The following NPTN variants were observed in gnomAD, a reference collection of about 807,000 sequenced individuals.
NPTN encodes SDR-1.
A neutral mutation model predicts 42.7 loss-of-function variants in NPTN; 5 were observed. The observed-to-expected ratio is 0.12, with a 90% CI of 0.06 to 0.25. The LOEUF is 0.25. Among genes scored for constraint, NPTN ranks in the 10% least tolerant of loss-of-function variants. The probability of loss-of-function intolerance (pLI) is 1.00; values close to 1 mark genes in which losing one functional copy is unlikely to be tolerated. For synonymous variants in NPTN, 180 were observed against 201.9 expected (o/e 0.89, Z 0.92); for missense variants, 307 against 525.4 (o/e 0.58, Z 4.06).
At chr15:73,622,249 G>C (rs1193066187) in intron 1 of NPTN, among the ~76,000 whole-genome samples, 1 of 152,092 alleles carries the variant, frequency 6.6e-6, no homozygotes, top group African/African-American at 2.4e-5. Context: ...TAAATCAGGT[G>C]GTTACAATTC....
intron 1 of NPTN, among the ~76,000 whole-genome samples, chr15:73,625,454 C>G (rs1487279415): frequency 6.6e-6 from 1 of 151,890 alleles, no homozygotes; most frequent in African/African-American, 2.4e-5. Context: ...CTGCCTCAGC[C>G]CCGAGTAGCT....
chr15:73,563,666 G>GA, intron 6 of NPTN: 1 of 617,084 alleles, frequency 1.6e-6, no homozygotes, highest in Non-Finnish European at 2.0e-6. Context: ...ATGCAGTTTT[G>GA]GCTCAATCCT....
intron 1 of NPTN, 45 bp downstream of exon 1, chr15:73,633,080 G>C (rs1898850823): frequency 1.5e-6 from 2 of 1,320,510 alleles, no homozygotes; most frequent in Non-Finnish European, 2.0e-6. Flanking sequence ...TCCGGCCCCG[G>C]CGCCCCTCAA....
intron 1 of NPTN, among the ~76,000 whole-genome samples, chr15:73,610,270 T>C (rs895920906): frequency 6.6e-6 from 1 of 152,060 alleles, no homozygotes; most frequent in Non-Finnish European, 1.5e-5. Flanking sequence ...TAGTTTTTTG[T>C]AGAGATGAGG....
At chr15:73,565,718 G>A in intron 6 of NPTN, 1 of 456,254 alleles carries the variant, frequency 2.2e-6, no homozygotes, top group Non-Finnish European at 4.4e-6. Context: ...AGGACTGGGG[G>A]GATAATGGAA....
intron 4 of NPTN, among the ~76,000 whole-genome samples, chr15:73,577,425 G>A (rs1348044766): frequency 2.6e-5 from 4 of 152,164 alleles, no homozygotes; most frequent in South Asian, 2.1e-4. Context: ...GACTGAGACA[G>A]GGAAAGAGAT....
At chr15:73,577,031 T>C (rs1035537384) in intron 4 of NPTN, among the ~76,000 whole-genome samples, 1 of 152,266 alleles carries the variant, frequency 6.6e-6, no homozygotes, top group Non-Finnish European at 1.5e-5. Context: ...TTCTAAATTC[T>C]TTGTGGGTTG....
At chr15:73,596,574 C>G (rs556704454) in intron 2 of NPTN, among the ~76,000 whole-genome samples, 336 of 152,184 alleles carry the variant, frequency 2.2e-3, no homozygotes, top group Non-Finnish European at 3.6e-3. Flanking sequence ...AATAGAAAGG[C>G]ACCAGAGAAG....
intron 4 of NPTN, among the ~76,000 whole-genome samples, chr15:73,581,609 C>G (rs1896048373): frequency 6.6e-6 from 1 of 152,148 alleles, no homozygotes; most frequent in Non-Finnish European, 1.5e-5. Context: ...TCTGGGCAGT[C>G]TGGGACTCTG....
chr15:73,623,052 C>T (rs960824533), intron 1 of NPTN, among the ~76,000 whole-genome samples: 1 of 152,136 alleles, frequency 6.6e-6, no homozygotes, highest in Non-Finnish European at 1.5e-5. Flanking sequence ...TGAAAGTGTC[C>T]TTTTCCAGGT....
At chr15:73,615,189 G>A (rs1271247630) in intron 1 of NPTN, among the ~76,000 whole-genome samples, 4 of 144,246 alleles carry the variant, frequency 2.8e-5, no homozygotes, top group African/African-American at 5.1e-5. Flanking sequence ...TAATCTTGAA[G>A]AAAACCATGG....
At chr15:73,561,772 C>A in intron 8 of NPTN, 124 bp downstream of exon 8, 2 of 730,512 alleles carry the variant, frequency 2.7e-6, no homozygotes, top group Non-Finnish European at 4.7e-6. Flanking sequence ...TCATCAGTAT[C>A]AGCTGCTCTG....
At chr15:73,561,228 T>G (rs572401689) in intron 8 of NPTN, among the ~76,000 whole-genome samples, 180 bp from the exon 9 acceptor site, 1 of 152,316 alleles carries the variant, frequency 6.6e-6, no homozygotes, top group East Asian at 1.9e-4. Flanking sequence ...GCCATTCTTG[T>G]CTTGCCCCCA....
At chr15:73,629,439 A>G (rs982821755) in intron 1 of NPTN, among the ~76,000 whole-genome samples, 1 of 152,166 alleles carries the variant, frequency 6.6e-6, no homozygotes, top group African/African-American at 2.4e-5. Context: ...CTAAAAATGT[A>G]CTCAGTGAGA....
At chr15:73,590,073 G>T (rs1002581449) in intron 3 of NPTN, among the ~76,000 whole-genome samples, 5 of 152,012 alleles carry the variant, frequency 3.3e-5, no homozygotes, top group African/African-American at 1.2e-4. Context: ...TACTTGGGAA[G>T]ATAACTCCCA....
At chr15:73,623,807 G>C (rs1429261482) in intron 1 of NPTN, among the ~76,000 whole-genome samples, 1 of 152,190 alleles carries the variant, frequency 6.6e-6, no homozygotes, top group Non-Finnish European at 1.5e-5. Flanking sequence ...GTAAGAAAGA[G>C]ATCATTTCTG....
chr15:73,605,663 G>A (rs1897269017), intron 1 of NPTN, among the ~76,000 whole-genome samples: 1 of 151,862 alleles, frequency 6.6e-6, no homozygotes, highest in Admixed American at 6.6e-5. Flanking sequence ...AGGAGGGGAG[G>A]TTGCGGTGAG....
At chr15:73,562,961 T>C (rs1443451839) in intron 7 of NPTN, among the ~76,000 whole-genome samples, 1 of 152,140 alleles carries the variant, frequency 6.6e-6, no homozygotes, top group Non-Finnish European at 1.5e-5. Flanking sequence ...TTCCCCCACA[T>C]TTTAAGTATA....
Position 73,560,097 on chromosome 15 carries a change from C to T in NPTN, c.*966G>A. The stretch of plus-strand genomic sequence containing the variant: ...TGCACTTCAATAATTACACAAAACA[C>T]ACAAGTACATGCATCTACAATTACG... On this transcript the variant is annotated 3_prime_UTR_variant, in exon 9 of 9. Coordinates refer to ENST00000345330, the MANE Select transcript of NPTN (RefSeq NM_012428.4). The T allele has an allele frequency of 1.9e-6, 1 of 529,532 alleles. No homozygotes were observed. The highest frequency in any genetic ancestry group is 3.2e-6 in the Non-Finnish European group (1 of 312,868). The allele number at this position is 529,532 out of a possible 1,614,324, so 32.8% of individuals were successfully genotyped here.
Sources: gnomAD v4.1 joint callset for allele counts (sites outside exome capture counted in the v4.1 genomes callset) on GRCh38, gnomAD v4.1.1 for gene constraint, MANE v1.5 for transcripts, NCBI Gene and HGNC (gene_info 2026-07-23, HGNC 2026-07-21) for gene names.